Variants in TNIP3 observed in about 807,000 individuals in gnomAD.
The protein encoded by TNIP3 is TNFAIP3 interacting protein 3.
In TNIP3, 34 loss-of-function variants were observed where a neutral mutation model predicts 54.1. That is an observed-to-expected ratio of 0.63 (90% CI 0.48 to 0.84). The LOEUF (loss-of-function observed/expected upper bound fraction) is 0.84. Ranked by LOEUF, TNIP3 falls within the 40% of genes least tolerant of loss-of-function variation. The pLI, the probability that TNIP3 is intolerant of heterozygous loss-of-function variation, is 0.00. For synonymous variants in TNIP3, 134 were observed against 136.8 expected (o/e 0.98, Z 0.14); for missense variants, 366 against 387.6 (o/e 0.94, Z 0.47).
At chr4:121,164,575 G>A (rs1287529579), upstream of TNIP3, among the ~76,000 whole-genome samples, 1 of 152,204 alleles carries the variant, frequency 6.6e-6, no homozygotes, top group Non-Finnish European at 1.5e-5. Context: ...ATTTCCCAGA[G>A]CAATTAGGTA....
At chr4:121,156,173 C>A (rs1019435781) in intron 4 of TNIP3, among the ~76,000 whole-genome samples, 1 of 152,168 alleles carries the variant, frequency 6.6e-6, no homozygotes, top group African/African-American at 2.4e-5. Context: ...GCATTGTCTG[C>A]GCGAATTTCA....
chr4:121,192,833 C>T (rs1350052749), intron 2 of TNIP3: 1 of 152,106 alleles, frequency 6.6e-6, no homozygotes, highest in Non-Finnish European at 1.5e-5. Context: ...GCATTGCATC[C>T]TTTCATGTAG....
intron 2 of TNIP3, among the ~76,000 whole-genome samples, chr4:121,207,430 T>C (rs1329638368): frequency 6.6e-6 from 1 of 152,192 alleles, no homozygotes; most frequent in African/African-American, 2.4e-5. Context: ...CAATGAATGA[T>C]TTATAATAGT....
At chr4:121,181,380 G>T (rs1054187162) in intron 3 of TNIP3, among the ~76,000 whole-genome samples, 1 of 152,142 alleles carries the variant, frequency 6.6e-6, no homozygotes, top group Non-Finnish European at 1.5e-5. Context: ...TGAGGGCTTC[G>T]AGTTGGGATG....
At chr4:121,218,716 C>T (rs557193026), upstream of TNIP3, among the ~76,000 whole-genome samples, 5 of 152,120 alleles carry the variant, frequency 3.3e-5, no homozygotes, top group African/African-American at 1.2e-4. Flanking sequence ...GGCACCATTA[C>T]AGTGCACTAT....
At chr4:121,190,146 A>G (rs569401557) in intron 2 of TNIP3, among the ~76,000 whole-genome samples, 2 of 152,334 alleles carry the variant, frequency 1.3e-5, no homozygotes, top group African/African-American at 4.8e-5. Context: ...TCATTCACAA[A>G]ACAGAGTGAC....
chr4:121,227,298 A>T, intron 1 of TNIP3: 1 of 1,178,316 alleles, frequency 8.5e-7, no homozygotes, highest in Non-Finnish European at 1.2e-6. Flanking sequence ...TGAGAACTTT[A>T]TGCATTTTAA....
intron 9 of TNIP3, among the ~76,000 whole-genome samples, chr4:121,139,366 T>C (rs187335964): frequency 1.2e-4 from 18 of 152,288 alleles, no homozygotes; most frequent in Admixed American, 1.2e-3. Flanking sequence ...AGTAAACCCA[T>C]AGGCCTGAAT....
At chr4:121,134,421 C>T (rs1728659231) in intron 10 of TNIP3, among the ~76,000 whole-genome samples, 1 of 152,168 alleles carries the variant, frequency 6.6e-6, no homozygotes, top group Non-Finnish European at 1.5e-5. Context: ...TTTTGCATCT[C>T]GTTCTGATAA....
At chr4:121,171,856 A>G (rs1347025326) in intron 3 of TNIP3, among the ~76,000 whole-genome samples, 1 of 152,062 alleles carries the variant, frequency 6.6e-6, no homozygotes, top group Non-Finnish European at 1.5e-5. Flanking sequence ...TCAGCCTCCC[A>G]AGTAGTTGGG....
chr4:121,186,797 A>G (rs1725046245), intron 2 of TNIP3, among the ~76,000 whole-genome samples: 1 of 152,186 alleles, frequency 6.6e-6, no homozygotes. Context: ...AGAAAAGCAC[A>G]AAAAATGTTC....
intron 2 of TNIP3, among the ~76,000 whole-genome samples, chr4:121,205,647 G>A (rs906545236): frequency 6.6e-6 from 1 of 152,076 alleles, no homozygotes; most frequent in African/African-American, 2.4e-5. Context: ...GGTAGTGAGG[G>A]ATGTGGAAAG....
chr4:121,227,412 G>GA, exon 1 of TNIP3: 1 of 1,534,440 alleles, frequency 6.5e-7, no homozygotes, highest in Non-Finnish European at 8.7e-7. Flanking sequence ...GTCCTTCTCA[G>GA]ATCTAGGTAA....
At chr4:121,150,554 T>C (rs1261817228) in intron 5 of TNIP3, among the ~76,000 whole-genome samples, 1 of 152,206 alleles carries the variant, frequency 6.6e-6, no homozygotes, top group Admixed American at 6.5e-5. Context: ...GTCAAATGTA[T>C]ACCCTTTCAA....
intron 2 of TNIP3, among the ~76,000 whole-genome samples, chr4:121,203,763 C>T (rs993352967): frequency 2.6e-5 from 4 of 151,694 alleles, no homozygotes; most frequent in Non-Finnish European, 5.9e-5. Context: ...AACAAGCAAA[C>T]ATTAGAGAAC....
intron 7 of TNIP3, among the ~76,000 whole-genome samples, chr4:121,145,382 T>C (rs1232013223): frequency 6.6e-6 from 1 of 152,128 alleles, no homozygotes; most frequent in African/African-American, 2.4e-5. Flanking sequence ...AAGATTGTCC[T>C]TTAGGTTCAA....
chr4:121,221,740 A>T (rs1402027226), intron 1 of TNIP3, among the ~76,000 whole-genome samples: 1 of 151,938 alleles, frequency 6.6e-6, no homozygotes, highest in Non-Finnish European at 1.5e-5. Context: ...AGAAAGAACT[A>T]CCCAACAGAG....
chr4:121,208,578 A>G (rs2148845565), intron 2 of TNIP3, among the ~76,000 whole-genome samples: 1 of 152,308 alleles, frequency 6.6e-6, no homozygotes, highest in Middle Eastern at 3.4e-3. Flanking sequence ...GTAAGAATAA[A>G]ACTGGTCTCT....
At chr4:121,135,524 A>T (rs1277406358) in intron 10 of TNIP3, among the ~76,000 whole-genome samples, 2 of 152,102 alleles carry the variant, frequency 1.3e-5, no homozygotes, top group Non-Finnish European at 2.9e-5. Context: ...TAGTCTCCCA[A>T]GTAGCTGGGA....
Sources: allele counts gnomAD v4.1 joint callset (sites outside exome capture counted in the v4.1 genomes callset), GRCh38; gene constraint gnomAD v4.1.1; transcripts MANE v1.5; gene names NCBI Gene and HGNC (gene_info 2026-07-23, HGNC 2026-07-21).